The following PALM2AKAP2 variants were observed in gnomAD, a reference collection of about 807,000 sequenced individuals.
PALM2AKAP2 encodes the protein PALM2 and AKAP2 fusion.
PALM2AKAP2 carries 37 observed loss-of-function variants against 71.5 expected under a neutral mutation model. The observed-to-expected ratio is 0.52, with a 90% confidence interval of 0.40 to 0.68. The LOEUF (loss-of-function observed/expected upper bound fraction) is 0.68. PALM2AKAP2 is among the 30% of genes least tolerant of loss of function. The pLI is 0.00. For synonymous variants in PALM2AKAP2, 468 were observed against 478.8 expected, an observed-to-expected ratio of 0.98 and a Z score of 0.29; for missense variants, 1,224 against 1,191.8, an observed-to-expected ratio of 1.03 and a Z score of -0.40.
At position 109,665,192 on chromosome 9, in the gene PALM2AKAP2, C is replaced by T. The variant is rs368311067; in HGVS notation, c.5+24326C>T. Among the ~76,000 whole-genome samples, 93 of 152,274 alleles carry T rather than the reference C, an allele frequency of 6.1e-4. 1 individual carries two copies. The highest frequency in any genetic ancestry group is 2.5e-3 in the South Asian group (12 of 4,820). ...CTTCTGAAGCCTCCTTCTGTCAACT[C>T]GTCAAAGTCATTCTCCGTCCATCTT... On this transcript the variant is annotated intron_variant, in intron 1 of 6. Transcript: ENST00000374531.
intron 1 of PALM2AKAP2, among the ~76,000 whole-genome samples, chr9:109,680,912 CA>C (rs1827722307): frequency 6.6e-6 from 1 of 151,942 alleles, no homozygotes; most frequent in Non-Finnish European, 1.5e-5. Flanking sequence ...TTTTACTATC[CA>C]AGTTCATAGA....
At chr9:109,705,278 A>G (rs770793057) in intron 1 of PALM2AKAP2, among the ~76,000 whole-genome samples, 5 of 152,038 alleles carry the variant, frequency 3.3e-5, no homozygotes, top group Non-Finnish European at 7.4e-5. Context: ...TCCAAAATGT[A>G]CCTCCACCCC....
chr9:110,114,475 T>C (rs1835319358), intron 1 of PALM2AKAP2, among the ~76,000 whole-genome samples: 1 of 152,284 alleles, frequency 6.6e-6, no homozygotes, highest in East Asian at 1.9e-4. Flanking sequence ...GGGCACTATT[T>C]GACTCACTTC....
intron 1 of PALM2AKAP2, among the ~76,000 whole-genome samples, chr9:109,739,754 G>T (rs1828690552): frequency 1.3e-5 from 2 of 152,316 alleles, no homozygotes; most frequent in Admixed American, 1.3e-4. Context: ...GAGTGGCCAT[G>T]ATTTTGTAAT....
chr9:110,012,345 G>T (rs1479794206), intron 6 of PALM2AKAP2, among the ~76,000 whole-genome samples: 1 of 152,012 alleles, frequency 6.6e-6, no homozygotes, highest in Admixed American at 6.6e-5. Context: ...TTACCCCCTG[G>T]TAATTTCTTA....
intron 6 of PALM2AKAP2, 43 bp downstream of exon 6, chr9:109,932,071 C>T (rs991980629): frequency 1.9e-6 from 3 of 1,554,746 alleles, no homozygotes; most frequent in Non-Finnish European, 2.6e-6. Flanking sequence ...GTCCAAGGGG[C>T]TTGCATTTCA....
chr9:109,791,792 G>A (rs1391014484), intron 1 of PALM2AKAP2, among the ~76,000 whole-genome samples: 1 of 152,188 alleles, frequency 6.6e-6, no homozygotes, highest in East Asian at 1.9e-4. Flanking sequence ...GGGAATTTGA[G>A]CCCAGGGTCT....
At chr9:109,906,384 A>G (rs1272666633) in intron 3 of PALM2AKAP2, among the ~76,000 whole-genome samples, 2 of 152,278 alleles carry the variant, frequency 1.3e-5, no homozygotes, top group South Asian at 4.2e-4. Flanking sequence ...TTTTCCGTAG[A>G]GACGGGGTTT....
chr9:109,854,401 C>A (rs1829098467), intron 1 of PALM2AKAP2, among the ~76,000 whole-genome samples: 1 of 152,218 alleles, frequency 6.6e-6, no homozygotes, highest in South Asian at 2.1e-4. Context: ...CCTCTGGCCA[C>A]AGGCAACTGT....
At position 110,141,549 on chromosome 9, in the gene PALM2AKAP2, C is replaced by T. The variant is rs1033196587; in HGVS notation, c.2569+3010C>T. On this transcript the variant is annotated intron_variant, in intron 2 of 3. Coordinates refer to ENST00000374525, the Ensembl canonical transcript of PALM2AKAP2. ...GAGTATTGCTTGGCTGGCCAACCTC[C>T]AAGTTCATGATCGGGGAGAAGGCTG... Among the ~76,000 whole-genome samples, 4 of 152,322 alleles carry T rather than the reference C, an allele frequency of 2.6e-5. No individual in the cohort carries two copies. The South Asian group carries it at 8.3e-4, about 32-fold the overall frequency.
At chr9:109,779,387 G>T (rs1829397206), upstream of PALM2AKAP2, among the ~76,000 whole-genome samples, 1 of 152,186 alleles carries the variant, frequency 6.6e-6, no homozygotes, top group South Asian at 2.1e-4. Flanking sequence ...CCTTTCAGAT[G>T]CAATGAACAG....
At chr9:109,740,107 A>G (rs1262179341) in intron 1 of PALM2AKAP2, among the ~76,000 whole-genome samples, 1 of 152,218 alleles carries the variant, frequency 6.6e-6, no homozygotes, top group Non-Finnish European at 1.5e-5. Flanking sequence ...TACCAGTCCA[A>G]TTTGACAGCT....
At chr9:109,674,526 G>C (rs149105338) in intron 1 of PALM2AKAP2, among the ~76,000 whole-genome samples, 1 of 151,920 alleles carries the variant, frequency 6.6e-6, no homozygotes, top group Non-Finnish European at 1.5e-5. Flanking sequence ...GTTGATTTTG[G>C]GCTTTGTTAG....
chr9:110,000,823 G>A (rs943145265), intron 6 of PALM2AKAP2, among the ~76,000 whole-genome samples: 5 of 152,304 alleles, frequency 3.3e-5, no homozygotes, highest in Non-Finnish European at 5.9e-5. Context: ...TTTGAGAAGT[G>A]TCTGTTCATA....
chr9:110,055,181 TA>T (rs397750840), intron 1 of PALM2AKAP2, among the ~76,000 whole-genome samples: 2 of 151,494 alleles, frequency 1.3e-5, no homozygotes, highest in Non-Finnish European at 2.9e-5. Context: ...TTTTTTTTTT[TA>T]AATTTTTATT....
At chr9:109,832,656 CT>C (rs1828335811) in intron 1 of PALM2AKAP2, among the ~76,000 whole-genome samples, 1 of 152,198 alleles carries the variant, frequency 6.6e-6, no homozygotes, top group South Asian at 2.1e-4. Flanking sequence ...CCTTAAAAGA[CT>C]TTTACAAAAT....
At chr9:109,858,717 A>C (rs1361115577) in intron 1 of PALM2AKAP2, among the ~76,000 whole-genome samples, 2 of 152,204 alleles carry the variant, frequency 1.3e-5, no homozygotes, top group Admixed American at 6.5e-5. Context: ...CTACCTGTAC[A>C]GAAAGTGCTG....
At chr9:110,152,590 A>G (rs1473360579) in intron 2 of PALM2AKAP2, among the ~76,000 whole-genome samples, 3 of 152,182 alleles carry the variant, frequency 2.0e-5, no homozygotes, top group Non-Finnish European at 2.9e-5. Flanking sequence ...GGCACAGACT[A>G]TTTGCATCAC....
chr9:109,822,229 TTCTC>T (rs1280116769), intron 1 of PALM2AKAP2, among the ~76,000 whole-genome samples: 1 of 152,122 alleles, frequency 6.6e-6, no homozygotes, highest in Admixed American at 6.6e-5. Context: ...TAGATTTTTT[TTCTC>T]TCTTTCATCT....
Sources: gnomAD v4.1 joint callset for allele counts (sites outside exome capture counted in the v4.1 genomes callset) on GRCh38, gnomAD v4.1.1 for gene constraint, MANE v1.5 for transcripts, NCBI Gene and HGNC (gene_info 2026-07-23, HGNC 2026-07-21) for gene names.